Variants in SNX29 observed in about 807,000 individuals in gnomAD.
SNX29 encodes the protein sorting nexin-29.
Under a neutral mutation model 102.1 loss-of-function variants are expected in SNX29, and 78 were observed. That is an observed-to-expected ratio of 0.76 (90% CI 0.64 to 0.92). The LOEUF (loss-of-function observed/expected upper bound fraction) is 0.92, where lower values mean the gene tolerates loss of function less well. SNX29 is among the 40% of genes least tolerant of loss of function. SNX29 has a pLI of 0.00. For missense variants in SNX29, 1,280 were observed against 1,061.7 expected (o/e 1.21, Z -2.86); for synonymous variants, 580 against 414.5 (o/e 1.40, Z -4.85).
chr16:12,281,397 A>G (rs1178343170), intron 15 of SNX29, among the ~76,000 whole-genome samples: 1 of 152,230 alleles, frequency 6.6e-6, no homozygotes, highest in East Asian at 1.9e-4. Flanking sequence ...TGTCCTGGAC[A>G]GCACAGAACC....
At chr16:12,556,854 T>G (rs951176509) in intron 20 of SNX29, among the ~76,000 whole-genome samples, 2 of 151,610 alleles carry the variant, frequency 1.3e-5, no homozygotes, top group African/African-American at 4.9e-5. Context: ...GTGGAAAAAA[T>G]TGAATTTTTT....
intron 15 of SNX29, among the ~76,000 whole-genome samples, chr16:12,332,532 A>G (rs1215817731): frequency 3.9e-5 from 6 of 152,070 alleles, no homozygotes; most frequent in Non-Finnish European, 5.9e-5. Context: ...TCCTCGTCAT[A>G]TTGAAGGCCA....
chr16:12,401,181 G>T (rs2083925717), intron 17 of SNX29, among the ~76,000 whole-genome samples: 1 of 151,966 alleles, frequency 6.6e-6, no homozygotes, highest in African/African-American at 2.4e-5. Flanking sequence ...GATCAGTAAG[G>T]GGTTAGAAGA....
intron 20 of SNX29, among the ~76,000 whole-genome samples, chr16:12,544,471 G>C (rs762580828): frequency 2.6e-5 from 4 of 152,156 alleles, no homozygotes; most frequent in Non-Finnish European, 5.9e-5. Flanking sequence ...TGAAGAGGCC[G>C]ATTTTATGAT....
chr16:12,329,895 G>T (rs117880683), intron 15 of SNX29, among the ~76,000 whole-genome samples: 4 of 152,232 alleles, frequency 2.6e-5, no homozygotes, highest in African/African-American at 7.2e-5. Flanking sequence ...ACTAAGACGC[G>T]TTAACAGTTA....
intron 10 of SNX29, among the ~76,000 whole-genome samples, chr16:12,073,554 C>CT (rs1277961053): frequency 3.2e-4 from 48 of 152,196 alleles, no homozygotes; most frequent in African/African-American, 1.0e-3. Context: ...AATTTCTGTT[C>CT]TTTTACATTT....
Position 12,199,588 on chromosome 16 carries a change from C to T in SNX29, c.1596-13C>T, listed in dbSNP as rs944704717. 8.7e-6 allele frequency: 14 copies of T among 1,606,024 alleles called. No homozygotes were observed. The highest frequency in any genetic ancestry group is 3.3e-4 in the Middle Eastern group (2 of 6,062). On this transcript the variant is annotated splice_polypyrimidine_tract_variant and intron_variant, in intron 13 of 20. Transcript: ENST00000566228. Reference sequence around the variant, plus strand: ...TTTAAATATATATTTTTTTAACATTCTTGTACCTGCAGAGAGAACGAGGTG... The same window carrying T: ...TTTAAATATATATTTTTTTAACATTTTTGTACCTGCAGAGAGAACGAGGTG...
At chr16:12,359,209 C>A (rs772571092) in intron 16 of SNX29, among the ~76,000 whole-genome samples, 4 of 152,172 alleles carry the variant, frequency 2.6e-5, no homozygotes, top group Non-Finnish European at 5.9e-5. Flanking sequence ...CAGCTGGTGT[C>A]CGCTGCAGAA....
At chr16:12,319,083 T>G (rs1352678539) in intron 15 of SNX29, among the ~76,000 whole-genome samples, 1 of 152,142 alleles carries the variant, frequency 6.6e-6, no homozygotes, top group Admixed American at 6.5e-5. Flanking sequence ...TTCGTTATCT[T>G]GTCATGCTTC....
intron 18 of SNX29, among the ~76,000 whole-genome samples, chr16:12,469,394 A>C (rs2087228603): frequency 6.6e-6 from 1 of 152,246 alleles, no homozygotes; most frequent in African/African-American, 2.4e-5. Context: ...GGATACATTA[A>C]CACAGGCCTT....
chr16:12,525,376 A>C (rs2076751381), intron 20 of SNX29, among the ~76,000 whole-genome samples: 1 of 152,226 alleles, frequency 6.6e-6, no homozygotes, highest in African/African-American at 2.4e-5. Flanking sequence ...GCACTTAGAA[A>C]ATCATTACAC....
chr16:12,549,266 T>TG (rs1158830267), intron 20 of SNX29, among the ~76,000 whole-genome samples: 4 of 152,050 alleles, frequency 2.6e-5, no homozygotes, highest in Non-Finnish European at 5.9e-5. Flanking sequence ...GAGGCTGAGG[T>TG]GGTAGATCAC....
chr16:12,423,173 T>A (rs1370834081), intron 18 of SNX29, among the ~76,000 whole-genome samples: 1 of 151,832 alleles, frequency 6.6e-6, no homozygotes, highest in Non-Finnish European at 1.5e-5. Context: ...AGGAGAAGCA[T>A]TTACTCACCA....
chr16:12,544,139 C>T (rs947529807), intron 20 of SNX29, among the ~76,000 whole-genome samples: 1 of 152,212 alleles, frequency 6.6e-6, no homozygotes, highest in African/African-American at 2.4e-5. Context: ...ACCCTATATT[C>T]ACCGGCATCA....
intron 14 of SNX29, among the ~76,000 whole-genome samples, chr16:12,234,808 G>C (rs902323805): frequency 6.6e-6 from 1 of 152,140 alleles, no homozygotes; most frequent in Non-Finnish European, 1.5e-5. Context: ...GGCTATGTCC[G>C]TCTGCCTACT....
intron 11 of SNX29, among the ~76,000 whole-genome samples, chr16:12,080,665 C>T (rs2051823181): frequency 6.6e-6 from 1 of 151,870 alleles, no homozygotes; most frequent in South Asian, 2.1e-4. Context: ...CAGGCATGAG[C>T]CACCGTGCCC....
chr16:12,056,281 G>T (rs906791122), intron 8 of SNX29, among the ~76,000 whole-genome samples: 2 of 152,136 alleles, frequency 1.3e-5, no homozygotes, highest in Non-Finnish European at 2.9e-5. Context: ...AGCCAAGGCA[G>T]CCCCCAGCAT....
At chr16:12,206,594 TCTC>T (rs1452495717) in intron 14 of SNX29, among the ~76,000 whole-genome samples, 2 of 152,026 alleles carry the variant, frequency 1.3e-5, no homozygotes, top group African/African-American at 4.8e-5. Flanking sequence ...AGCCAGGTGT[TCTC>T]CTTGGGCTGG....
chr16:12,233,996 C>G (rs987272944), intron 14 of SNX29, among the ~76,000 whole-genome samples: 2 of 152,198 alleles, frequency 1.3e-5, no homozygotes, highest in African/African-American at 4.8e-5. Context: ...TTTGTTTACC[C>G]TTTCGTTAGT....
Sources: gnomAD v4.1 joint callset for allele counts (sites outside exome capture counted in the v4.1 genomes callset) on GRCh38, gnomAD v4.1.1 for gene constraint, MANE v1.5 for transcripts, NCBI Gene and HGNC (gene_info 2026-07-23, HGNC 2026-07-21) for gene names.